The following DENND2A variants were observed in gnomAD, a reference collection of about 807,000 sequenced individuals.
DENND2A encodes DENN domain containing 2A.
Under a neutral mutation model 105.3 loss-of-function variants are expected in DENND2A, and 53 were observed. The observed-to-expected ratio is 0.50, with a 90% CI of 0.40 to 0.63. The LOEUF is 0.63. DENND2A is among the 30% of genes least tolerant of loss of function. The pLI is 0.00. For synonymous variants in DENND2A, 522 were observed against 508.4 expected, an observed-to-expected ratio of 1.03 and a Z score of -0.36; for missense variants, 1,138 against 1,279.6, an observed-to-expected ratio of 0.89 and a Z score of 1.69.
At chr7:140,587,814 A>G in intron 3 of DENND2A, 34 bp from the exon 4 acceptor site, 1 of 1,519,324 alleles carries the variant, frequency 6.6e-7, no homozygotes, top group Non-Finnish European at 8.9e-7. Context: ...AAAAACAAAG[A>G]ATTTGAATCA....
chr7:140,623,334 A>T (rs977815880), intron 1 of DENND2A, among the ~76,000 whole-genome samples: 6 of 150,870 alleles, frequency 4.0e-5, no homozygotes, highest in Admixed American at 3.3e-4. Context: ...AAAAAAAAAA[A>T]AGTCCCTTTC....
At position 140,587,963 on chromosome 7, in the gene DENND2A, G is replaced by A. The variant is rs6958659; in HGVS notation, c.996-183C>T. On this transcript the variant is annotated intron_variant, in intron 3 of 19. Coordinates refer to ENST00000496613, the MANE Select transcript of DENND2A (RefSeq NM_015689.5). ...TCTTGCTCCGTTGCCCAGGCTGGAG[G>A]GCAGCGGCGCCATCTTGGCTCACTG... Among the ~76,000 whole-genome samples, 912 of 152,156 alleles carry A rather than the reference G, an allele frequency of 6.0e-3. 6 individuals are homozygous for A. The highest frequency in any genetic ancestry group is 0.02 in the African/African-American group (846 of 41,498).
rs1005946106 is a variant in DENND2A at position 140,521,870 on chromosome 7, G to A, written c.2896C>T (p.Arg966Trp). ...RGFIQERELR[R>W]QDAKGLFEVR... ...TGCCCCTCACCTTTGGCATCCTGCC[G>A]GCGCAGCTCCCGCTCCTGGATGAAG... The change falls in exon 18 of 20, where the codon CGG becomes TGG. Residue 966 changes from arginine (R) to tryptophan (W), a missense_variant. Arg to Trp is a moderately radical substitution (Grantham distance 101). Transcript: ENST00000496613. 1.5e-5 allele frequency: 25 copies of A among 1,613,880 alleles called. No homozygotes were observed. Among genetic ancestry groups the A allele is most frequent in the South Asian group, 3.3e-5 (3 of 91,080 alleles).
At chr7:140,587,531 T>C (rs560086883) in intron 4 of DENND2A, 122 bp downstream of exon 4, 2 of 1,328,560 alleles carry the variant, frequency 1.5e-6, no homozygotes, top group African/African-American at 2.9e-5. Flanking sequence ...AGTGCACAGG[T>C]GTCTTCAAGT....
intron 2 of DENND2A, among the ~76,000 whole-genome samples, chr7:140,604,748 C>A (rs558831046): frequency 3.3e-5 from 5 of 152,316 alleles, no homozygotes; most frequent in African/African-American, 1.2e-4. Flanking sequence ...AAATGAGGGA[C>A]TTGAGACTTG....
chr7:140,625,268 T>A (rs769933108), intron 1 of DENND2A, among the ~76,000 whole-genome samples: 6 of 150,906 alleles, frequency 4.0e-5, no homozygotes, highest in Admixed American at 2.0e-4. Flanking sequence ...TCCAAGCTAC[T>A]CAGGAGGCTG....
intron 9 of DENND2A, among the ~76,000 whole-genome samples, chr7:140,561,097 A>G (rs1165877358): frequency 1.3e-5 from 2 of 152,042 alleles, no homozygotes; most frequent in Non-Finnish European, 2.9e-5. Flanking sequence ...GCTGGACTTG[A>G]ATTCCTGGGC....
chr7:140,603,849 C>A (rs1799604118), intron 2 of DENND2A, among the ~76,000 whole-genome samples: 1 of 152,104 alleles, frequency 6.6e-6, no homozygotes, highest in African/African-American at 2.4e-5. Context: ...TGATGGCTAC[C>A]GTACTGGATG....
intron 5 of DENND2A, among the ~76,000 whole-genome samples, chr7:140,576,281 T>G (rs1563153212): frequency 2.0e-5 from 3 of 152,166 alleles, no homozygotes; most frequent in Non-Finnish European, 1.5e-5. Context: ...TGAAAATGTG[T>G]TAATCTTTTC....
chr7:140,609,766 A>C (rs1799826141), intron 1 of DENND2A: 1 of 152,150 alleles, frequency 6.6e-6, no homozygotes, highest in African/African-American at 2.4e-5. Context: ...AATACTGTAA[A>C]ATCTTTTCTT....
Position 140,518,830 on chromosome 7 carries a change from C to T in DENND2A, c.2999-92G>A, listed in dbSNP as rs544528170. The T allele has an allele frequency of 3.2e-4, 433 of 1,333,836 alleles. 1 individual carries two copies. The highest frequency in any genetic ancestry group is 4.2e-4 in the Non-Finnish European group (394 of 938,226). 82.6% of individuals were successfully genotyped at this position (1,333,836 alleles called of 1,614,324 possible). A position where few individuals can be genotyped will look rare whatever the true frequency, so the allele number is the denominator to read the frequency against. ...TTCCACCCAGAAGTGGTGCGGGTAA[C>T]GGGGCCCCCACGCCACCCCAGGGAG... On this transcript the variant is annotated intron_variant, in intron 19 of 19. Transcript: ENST00000496613.
At chr7:140,534,017 G>A (rs544537957) in intron 14 of DENND2A, among the ~76,000 whole-genome samples, 3 of 151,362 alleles carry the variant, frequency 2.0e-5, no homozygotes, top group Non-Finnish European at 4.4e-5. Context: ...GGGTTCAAGC[G>A]ATTCTCCTGC....
chr7:140,592,247 C>A (rs1799087249), intron 3 of DENND2A, among the ~76,000 whole-genome samples: 3 of 150,026 alleles, frequency 2.0e-5, no homozygotes, highest in Non-Finnish European at 3.0e-5. Context: ...CGCTCTGTCG[C>A]CCAGACTGGA....
At chr7:140,585,820 A>G (rs1450207474) in intron 4 of DENND2A, 110 bp from the exon 5 acceptor site, 1 of 1,511,268 alleles carries the variant, frequency 6.6e-7, no homozygotes, top group East Asian at 2.3e-5. Context: ...TTGTAGGCAT[A>G]TCTGCTGTTT....
intron 1 of DENND2A, among the ~76,000 whole-genome samples, chr7:140,619,183 T>C (rs2061155248): frequency 6.6e-6 from 1 of 152,242 alleles, no homozygotes; most frequent in Non-Finnish European, 1.5e-5. Context: ...TCATAGCTGT[T>C]ACTTATAATA....
At position 140,527,476 on chromosome 7, in the gene DENND2A, G is replaced by T. The variant is rs1175815125; in HGVS notation, c.2347C>A (p.His783Asn). ...DKLSILSKCC[H>N]AMVALIYPFA... Reference sequence around the variant, plus strand: ...GGGTAGATCAGCGCCACCATCGCGTGGCAGCACTTGGACAGGATGCTGCAG... The same window carrying T: ...GGGTAGATCAGCGCCACCATCGCGTTGCAGCACTTGGACAGGATGCTGCAG... The change falls in exon 15 of 20, where the codon CAC becomes AAC. Residue 783 changes from histidine to asparagine, a missense_variant. Around this residue, in one of 2 missense-constraint regions of DENND2A, gnomAD observed 627 missense variants for 779.8 expected, o/e 0.80. Transcript: ENST00000496613. The surrounding 1 kb of genome is among the most constrained non-coding windows in gnomAD (Gnocchi z 4.9). The T allele has an allele frequency of 6.2e-7, 1 of 1,605,258 alleles. No individual in the cohort carries two copies. Among genetic ancestry groups the T allele is most frequent in the Non-Finnish European group, 8.5e-7 (1 of 1,175,918 alleles).
At chr7:140,521,392 G>A (rs1795855797) in intron 18 of DENND2A, among the ~76,000 whole-genome samples, 1 of 151,958 alleles carries the variant, frequency 6.6e-6, no homozygotes, top group Non-Finnish European at 1.5e-5. Flanking sequence ...TCCCACCTCA[G>A]TCTCCTGAGG....
chr7:140,544,047 A>G (rs749606991), intron 14 of DENND2A: 6 of 166,888 alleles, frequency 3.6e-5, no homozygotes, highest in Non-Finnish European at 7.9e-5. Context: ...ACGAGCCACC[A>G]TGACTGGCTG....
intron 1 of DENND2A, among the ~76,000 whole-genome samples, chr7:140,608,225 G>A (rs1799762363): frequency 6.6e-6 from 1 of 152,194 alleles, no homozygotes; most frequent in African/African-American, 2.4e-5. Flanking sequence ...GCCATATACT[G>A]AGAAGCAAGT....
Sources: allele counts gnomAD v4.1 joint callset (sites outside exome capture counted in the v4.1 genomes callset), GRCh38; gene constraint gnomAD v4.1.1; regional missense constraint gnomAD v4.1.1; non-coding constraint Gnocchi (gnomAD v3.1); transcripts MANE v1.5; gene names NCBI Gene and HGNC (gene_info 2026-07-23, HGNC 2026-07-21).